Variants in LSAMP observed in about 807,000 individuals in gnomAD.
LSAMP encodes limbic system-associated membrane protein.
A neutral mutation model predicts 38.6 loss-of-function variants in LSAMP; 7 were observed. That is an observed-to-expected ratio of 0.18 (90% CI 0.10 to 0.34). The LOEUF (loss-of-function observed/expected upper bound fraction) is 0.34. Ranked by LOEUF, LSAMP falls within the 10% of genes least tolerant of loss-of-function variation. LSAMP has a pLI of 1.00. For missense variants in LSAMP, 313 were observed against 420.0 expected, an observed-to-expected ratio of 0.75 and a Z score of 2.23; for synonymous variants, 154 against 166.8, an observed-to-expected ratio of 0.92 and a Z score of 0.59.
chr3:116,061,558 CTA>C (rs1331141053), intron 2 of LSAMP, among the ~76,000 whole-genome samples: 5 of 152,174 alleles, frequency 3.3e-5, no homozygotes, highest in African/African-American at 1.2e-4. Context: ...GGGAGGATTT[CTA>C]TGTCACACCA....
chr3:116,063,783 G>C (rs1195669363), intron 2 of LSAMP, among the ~76,000 whole-genome samples: 2 of 152,016 alleles, frequency 1.3e-5, no homozygotes, highest in African/African-American at 4.8e-5. Flanking sequence ...GTTTAGTATA[G>C]ACTGTAAAGT....
At chr3:116,271,201 A>G (rs752405108) in intron 1 of LSAMP, among the ~76,000 whole-genome samples, 2 of 152,122 alleles carry the variant, frequency 1.3e-5, no homozygotes, top group Non-Finnish European at 2.9e-5. Flanking sequence ...TAGTATAAAA[A>G]TACAAGGTAT....
At chr3:115,815,619 T>C (rs1933993479) in intron 6 of LSAMP, among the ~76,000 whole-genome samples, 1 of 152,234 alleles carries the variant, frequency 6.6e-6, no homozygotes, top group African/African-American at 2.4e-5. Flanking sequence ...ACTGGCAGTT[T>C]ATTTTGTCTT....
intron 1 of LSAMP, among the ~76,000 whole-genome samples, chr3:116,263,082 TATA>T (rs2046846089): frequency 6.6e-6 from 1 of 152,216 alleles, no homozygotes; most frequent in Non-Finnish European, 1.5e-5. Context: ...TCAAAGGGAA[TATA>T]ACACTATAAA....
chr3:115,812,391 A>G (rs924197016), intron 6 of LSAMP, among the ~76,000 whole-genome samples: 1 of 152,114 alleles, frequency 6.6e-6, no homozygotes. Flanking sequence ...TCTTGCATGA[A>G]AGCACCCGAT....
At chr3:115,945,136 A>G (rs1938053113) in intron 3 of LSAMP, among the ~76,000 whole-genome samples, 1 of 152,074 alleles carries the variant, frequency 6.6e-6, no homozygotes, top group South Asian at 2.1e-4. Flanking sequence ...TTTCTTGGCT[A>G]TTCAACATAA....
intron 2 of LSAMP, among the ~76,000 whole-genome samples, chr3:116,032,246 A>G (rs933208476): frequency 4.6e-5 from 7 of 152,178 alleles, no homozygotes; most frequent in Admixed American, 1.3e-4. Flanking sequence ...ATTAATAATA[A>G]TATCTAAGGT....
At chr3:116,321,610 G>C (rs2047707643) in intron 1 of LSAMP, among the ~76,000 whole-genome samples, 1 of 152,100 alleles carries the variant, frequency 6.6e-6, no homozygotes, top group African/African-American at 2.4e-5. Flanking sequence ...AGATCATATA[G>C]CTAGCAAGTG....
chr3:116,190,686 T>C (rs755261907), intron 1 of LSAMP, among the ~76,000 whole-genome samples: 17 of 152,188 alleles, frequency 1.1e-4, no homozygotes, highest in Non-Finnish European at 2.4e-4. Flanking sequence ...TTGGAATAAA[T>C]GGGATCATAA....
At chr3:116,298,724 A>G (rs2047368394) in intron 1 of LSAMP, among the ~76,000 whole-genome samples, 1 of 152,122 alleles carries the variant, frequency 6.6e-6, no homozygotes, top group Admixed American at 6.5e-5. Context: ...CTTGTTGGAG[A>G]CAGAAATAAT....
chr3:116,427,790 C>T (rs2049223815), intron 1 of LSAMP, among the ~76,000 whole-genome samples: 1 of 152,142 alleles, frequency 6.6e-6, no homozygotes, highest in Admixed American at 6.5e-5. Flanking sequence ...GAGGGCTAGG[C>T]ATACTAACTA....
chr3:116,067,874 T>C (rs1707498875), intron 2 of LSAMP, among the ~76,000 whole-genome samples: 1 of 152,212 alleles, frequency 6.6e-6, no homozygotes, highest in South Asian at 2.1e-4. Flanking sequence ...GTTTTGCCGA[T>C]ACATGCTTGA....
At chr3:116,238,231 C>T (rs555949733) in intron 1 of LSAMP, among the ~76,000 whole-genome samples, 1 of 152,268 alleles carries the variant, frequency 6.6e-6, no homozygotes, top group East Asian at 1.9e-4. Flanking sequence ...TTAATTGTCT[C>T]CTACGAAGTT....
intron 2 of LSAMP, among the ~76,000 whole-genome samples, chr3:116,023,993 A>G (rs1304069079): frequency 6.6e-6 from 1 of 152,118 alleles, no homozygotes; most frequent in Non-Finnish European, 1.5e-5. Context: ...ATTTCAGCTC[A>G]TCAGCTTGTC....
At chr3:116,172,370 T>G (rs759653759) in intron 1 of LSAMP, among the ~76,000 whole-genome samples, 63 of 151,890 alleles carry the variant, frequency 4.1e-4, no homozygotes, top group Admixed American at 7.2e-4. Context: ...TTTTTTTACT[T>G]GAAAGCTGTT....
In LSAMP at chr3:116,199,693, G is replaced by A. The variant is rs573395156; in HGVS notation, c.156-113137C>T. 7.0e-4 allele frequency among the ~76,000 whole-genome samples: 106 copies of A among 152,264 alleles called. 1 individual carries two copies. The highest frequency in any genetic ancestry group is 2.5e-3 in the African/African-American group (104 of 41,538). On this transcript the variant is annotated intron_variant, in intron 1 of 6. Coordinates refer to ENST00000490035, the MANE Select transcript of LSAMP (RefSeq NM_002338.5). ...GATGAACAGTATGAAATGTTAGAGAGCAGTCAAGTAGAGTGAGATTAGAAG... is the reference window on the plus strand; with the variant it reads ...GATGAACAGTATGAAATGTTAGAGAACAGTCAAGTAGAGTGAGATTAGAAG...
At chr3:116,221,021 C>A (rs1293681951) in intron 1 of LSAMP, among the ~76,000 whole-genome samples, 1 of 151,752 alleles carries the variant, frequency 6.6e-6, no homozygotes, top group African/African-American at 2.4e-5. Context: ...GGCGTGGTGG[C>A]GGGCGCCTGT....
intron 6 of LSAMP, among the ~76,000 whole-genome samples, chr3:115,824,516 C>T (rs1934345004): frequency 6.6e-6 from 1 of 152,102 alleles, no homozygotes; most frequent in African/African-American, 2.4e-5. Context: ...GCCTGGCCAA[C>T]ATGGTGAAAC....
intron 3 of LSAMP, among the ~76,000 whole-genome samples, chr3:116,012,948 G>A (rs1940373588): frequency 6.6e-6 from 1 of 152,158 alleles, no homozygotes; most frequent in Non-Finnish European, 1.5e-5. Context: ...GTGGCAAAAA[G>A]TATTTGAAGG....
Sources: allele counts gnomAD v4.1 joint callset (sites outside exome capture counted in the v4.1 genomes callset), GRCh38; gene constraint gnomAD v4.1.1; transcripts MANE v1.5; gene names NCBI Gene and HGNC (gene_info 2026-07-23, HGNC 2026-07-21).